The following THADA variants were observed in gnomAD, a reference collection of about 807,000 sequenced individuals.
THADA encodes THADA armadillo repeat containing, also known as tRNA (32-2'-O)-methyltransferase regulator THADA.
In THADA, 213 loss-of-function variants were observed where a neutral mutation model predicts 219.8. The observed-to-expected ratio is 0.97, with a 90% CI of 0.87 to 1.09. THADA has a LOEUF of 1.09. Ranked by LOEUF, THADA falls within the 50% of genes least tolerant of loss-of-function variation. The pLI is 0.00. For missense variants in THADA, 2,956 were observed against 2,311.3 expected, an observed-to-expected ratio of 1.28 and a Z score of -5.72; for synonymous variants, 1,018 against 828.9, an observed-to-expected ratio of 1.23 and a Z score of -3.92.
intron 36 of THADA, among the ~76,000 whole-genome samples, chr2:43,249,212 T>C (rs1209053789): frequency 6.6e-6 from 1 of 152,024 alleles, no homozygotes; most frequent in Non-Finnish European, 1.5e-5. Flanking sequence ...CTCAGTCTCC[T>C]GAGTAACTGG....
chr2:43,344,044 C>G (rs775790812), intron 30 of THADA, 78 bp downstream of exon 30: 2 of 1,053,478 alleles, frequency 1.9e-6, no homozygotes, highest in East Asian at 5.2e-5. Context: ...TTTAAAACTC[C>G]CCACAACTAG....
chr2:43,546,053 G>A (rs142959198), intron 20 of THADA, among the ~76,000 whole-genome samples: 1 of 144,322 alleles, frequency 6.9e-6, no homozygotes, highest in Non-Finnish European at 1.5e-5. Context: ...GAATGTGTCC[G>A]AGAGATTCTG....
intron 28 of THADA, among the ~76,000 whole-genome samples, chr2:43,413,703 A>G (rs1023496940): frequency 1.3e-5 from 2 of 152,170 alleles, no homozygotes; most frequent in Non-Finnish European, 2.9e-5. Context: ...CTCTTTTCCA[A>G]TCCCAAACTT....
chr2:43,390,120 A>G (rs986267574), intron 29 of THADA, among the ~76,000 whole-genome samples: 4 of 152,222 alleles, frequency 2.6e-5, no homozygotes, highest in Non-Finnish European at 4.4e-5. Flanking sequence ...CATACCAGAA[A>G]GCAGAGGAAG....
At chr2:43,367,883 C>T (rs899879724) in intron 29 of THADA, among the ~76,000 whole-genome samples, 1 of 152,112 alleles carries the variant, frequency 6.6e-6, no homozygotes, top group African/African-American at 2.4e-5. Context: ...CTTCGGGAGG[C>T]CAAGGTGGGT....
intron 16 of THADA, among the ~76,000 whole-genome samples, chr2:43,557,557 T>C (rs1697525966): frequency 1.3e-5 from 2 of 152,184 alleles, no homozygotes; most frequent in South Asian, 4.1e-4. Flanking sequence ...CTCCCACACC[T>C]ATATCTCACA....
intron 36 of THADA, among the ~76,000 whole-genome samples, chr2:43,252,341 C>A (rs1012567378): frequency 2.0e-5 from 3 of 152,204 alleles, no homozygotes; most frequent in African/African-American, 7.2e-5. Context: ...TTTATCATCA[C>A]TTTGAAATGA....
At chr2:43,397,739 AG>A (rs1283628365) in intron 29 of THADA, among the ~76,000 whole-genome samples, 10 of 152,056 alleles carry the variant, frequency 6.6e-5, no homozygotes, top group African/African-American at 2.4e-4. Flanking sequence ...CAGAAAACAC[AG>A]GATGTATTGC....
chr2:43,441,148 T>C (rs1034349491), intron 26 of THADA, among the ~76,000 whole-genome samples: 1 of 152,176 alleles, frequency 6.6e-6, no homozygotes, highest in African/African-American at 2.4e-5. Context: ...AACTATGCAT[T>C]TGTCAGGGTT....
Position 43,292,085 on chromosome 2 carries a change from G to A in THADA, c.4937+19C>T. ...CCATACATCTTACCAAGGTTGCACA[G>A]GAGGTTTTGGGGGCAAACCTTTCAT... On this transcript the variant is annotated intron_variant, in intron 33 of 37. Transcript: ENST00000405975. 6.5e-7 allele frequency: 1 copy of A among 1,532,510 alleles called. No individual in the cohort carries two copies. Among genetic ancestry groups the A allele is most frequent in the South Asian group, 1.2e-5 (1 of 83,738 alleles). The allele number at this position is 1,532,510 out of a possible 1,614,324, so 94.9% of individuals were successfully genotyped here.
chr2:43,268,339 C>CA lies in THADA; in HGVS notation c.5296+11425dup, dbSNP rs796525446. Among the ~76,000 whole-genome samples, 102 of 152,282 alleles carry CA rather than the reference C, an allele frequency of 6.7e-4. 1 individual carries two copies. Among genetic ancestry groups the CA allele is most frequent in the African/African-American group, 2.4e-3 (100 of 41,550 alleles). ...GGGCTGTGTACTCTTTACAAACAGA[C>CA]ACTCTGAAAGGTGCACAGATTCCCA... On this transcript the variant is annotated intron_variant, in intron 36 of 37. Coordinates refer to ENST00000405975, the MANE Select transcript of THADA (RefSeq NM_022065.5).
At chr2:43,364,030 T>G (rs904642391) in intron 29 of THADA, among the ~76,000 whole-genome samples, 9 of 152,128 alleles carry the variant, frequency 5.9e-5, no homozygotes, top group African/African-American at 1.9e-4. Context: ...GAGACCAGCC[T>G]GGGCAACATG....
At chr2:43,554,833 A>G (rs928958688) in intron 17 of THADA, among the ~76,000 whole-genome samples, 7 of 152,214 alleles carry the variant, frequency 4.6e-5, no homozygotes, top group African/African-American at 1.7e-4. Context: ...TATACAGGCT[A>G]AGTACTCCTT....
At chr2:43,515,012 T>A (rs184705997) in intron 22 of THADA, among the ~76,000 whole-genome samples, 2,562 of 27,218 alleles carry the variant, frequency 0.094, 325 homozygotes, top group African/African-American at 0.24. Context: ...ATTATATATA[T>A]TATATATTTT....
chr2:43,560,703 A>G (rs1203939067), intron 15 of THADA, among the ~76,000 whole-genome samples: 1 of 152,180 alleles, frequency 6.6e-6, no homozygotes, highest in Admixed American at 6.5e-5. Flanking sequence ...AAAAATCCTA[A>G]TAAAACTTCT....
intron 29 of THADA, chr2:43,372,182 T>C (rs538123833): frequency 1.3e-5 from 2 of 152,264 alleles, no homozygotes; most frequent in Non-Finnish European, 2.9e-5. Context: ...ACAAACTAAC[T>C]GGGAAAAGAC....
chr2:43,383,472 T>C (rs185609208), intron 29 of THADA, among the ~76,000 whole-genome samples: 2 of 152,328 alleles, frequency 1.3e-5, no homozygotes, highest in South Asian at 2.1e-4. Context: ...ATCTCCCTGT[T>C]GGTCATGGAA....
chr2:43,592,326 T>C lies in THADA; in HGVS notation c.67A>G (p.Thr23Ala), dbSNP rs1483779663. ...ALTICHQDLE[T>A]LKSFADVEGK... Reference sequence around the variant, plus strand: ...ACCAGAAGTCACCTACATTTCAAAGTTTCAAGGTCCTGATGGCAAATGGTC... The same window carrying C: ...ACCAGAAGTCACCTACATTTCAAAGCTTCAAGGTCCTGATGGCAAATGGTC... Residue 23 changes from threonine (T) to alanine (A), a missense_variant, in exon 2 of 38, where the codon ACT (threonine) becomes GCT (alanine). Thr to Ala is a moderately conservative substitution (Grantham distance 58). Coordinates refer to ENST00000405975, the MANE Select transcript of THADA (RefSeq NM_022065.5). 4 of 1,604,616 alleles carry C rather than the reference T, an allele frequency of 2.5e-6. No individual in the cohort carries two copies. The highest frequency in any genetic ancestry group is 3.4e-6 in the Non-Finnish European group (4 of 1,175,888).
intron 29 of THADA, among the ~76,000 whole-genome samples, chr2:43,366,073 T>C (rs768611924): frequency 2.0e-5 from 3 of 152,232 alleles, no homozygotes; most frequent in Non-Finnish European, 4.4e-5. Flanking sequence ...ACAGTATCTT[T>C]GTGTCACCAC....
Sources: allele counts gnomAD v4.1 joint callset (sites outside exome capture counted in the v4.1 genomes callset), GRCh38; gene constraint gnomAD v4.1.1; transcripts MANE v1.5; gene names NCBI Gene and HGNC (gene_info 2026-07-23, HGNC 2026-07-21).